Variants in KIAA0319 observed in about 807,000 individuals in gnomAD.
KIAA0319 encodes the protein dyslexia-associated protein KIAA0319.
Under a neutral mutation model 108.4 loss-of-function variants are expected in KIAA0319, and 83 were observed. The ratio of observed to expected loss-of-function variants is 0.77; its 90% CI spans 0.64 to 0.92. KIAA0319 has a LOEUF of 0.92. KIAA0319 is among the 40% of genes least tolerant of loss of function. KIAA0319 has a pLI of 0.00. For synonymous variants in KIAA0319, 484 were observed against 510.4 expected (o/e 0.95, Z 0.70); for missense variants, 1,195 against 1,322.4 (o/e 0.90, Z 1.49).
chr6:24,572,934 G>A (rs1764933788), intron 10 of KIAA0319, among the ~76,000 whole-genome samples: 1 of 152,012 alleles, frequency 6.6e-6, no homozygotes, highest in South Asian at 2.1e-4. Flanking sequence ...TGGCCAACAT[G>A]GTGGAACCCC....
intron 6 of KIAA0319, 128 bp downstream of exon 6, chr6:24,582,121 G>T: frequency 1.7e-6 from 1 of 594,268 alleles, no homozygotes; most frequent in Non-Finnish European, 3.2e-6. Context: ...ACTCCAGCCT[G>T]GGCAACAGAG....
At position 24,599,318 on chromosome 6, in the gene KIAA0319, G is replaced by A; in HGVS notation, c.55+1731C>T. The A allele has an allele frequency of 2.0e-6, 1 of 493,794 alleles. No homozygotes were observed. The highest frequency in any genetic ancestry group is 3.8e-6 in the Non-Finnish European group (1 of 264,376). The allele number at this position is 493,794 out of a possible 1,614,324, so 30.6% of individuals were successfully genotyped here. ...TCAGCCGGCTCCAGACTGAGACTGA[G>A]GGCCTCAAAGGCTAGAGGGCTTCCC... On this transcript the variant is annotated intron_variant, in intron 2 of 20. Transcript: ENST00000378214. This position sits in a 1 kb window ranked among gnomAD's most constrained non-coding sequence, Gnocchi z 4.1.
At chr6:24,590,537 T>C (rs187715496) in intron 3 of KIAA0319, among the ~76,000 whole-genome samples, 3 of 152,326 alleles carry the variant, frequency 2.0e-5, no homozygotes, top group African/African-American at 7.2e-5. Context: ...AAACCAGGGC[T>C]GCAGAATAGG....
At chr6:24,542,862 A>G (rs1309747239), downstream of KIAA0319, among the ~76,000 whole-genome samples, 2 of 152,174 alleles carry the variant, frequency 1.3e-5, no homozygotes, top group Non-Finnish European at 2.9e-5. Flanking sequence ...GCCTTAACCA[A>G]TCAGGACTCA....
chr6:24,567,039 G>GT, intron 13 of KIAA0319, among the ~76,000 whole-genome samples: 2 of 152,238 alleles, frequency 1.3e-5, no homozygotes, highest in South Asian at 4.1e-4. Flanking sequence ...TTGAAAAATA[G>GT]AAACAATGAT....
At chr6:24,602,717 C>T (rs1421095026) in intron 1 of KIAA0319, among the ~76,000 whole-genome samples, 1 of 152,098 alleles carries the variant, frequency 6.6e-6, no homozygotes, top group African/African-American at 2.4e-5. Flanking sequence ...AGGAGAATGG[C>T]GTGAATCCGG....
At chr6:24,631,606 A>C (rs1775591835) in intron 1 of KIAA0319, among the ~76,000 whole-genome samples, 1 of 152,192 alleles carries the variant, frequency 6.6e-6, no homozygotes, top group Non-Finnish European at 1.5e-5. Flanking sequence ...TAGGAAAAAC[A>C]ATTTTAGAAG....
At chr6:24,569,156 T>C (rs1764310796) in intron 12 of KIAA0319, among the ~76,000 whole-genome samples, 1 of 152,314 alleles carries the variant, frequency 6.6e-6, no homozygotes, top group East Asian at 1.9e-4. Context: ...AGAATATTTG[T>C]TCTCGATTTT....
chr6:24,601,823 T>G (rs1419185863), intron 1 of KIAA0319, among the ~76,000 whole-genome samples: 1 of 152,220 alleles, frequency 6.6e-6, no homozygotes, highest in African/African-American at 2.4e-5. Flanking sequence ...GATAGCAATC[T>G]GGCTTCCTAC....
At chr6:24,591,187 T>G (rs946877737) in intron 3 of KIAA0319, among the ~76,000 whole-genome samples, 4 of 152,144 alleles carry the variant, frequency 2.6e-5, no homozygotes, top group African/African-American at 9.7e-5. Context: ...TTATGAACAT[T>G]CATGTACAAG....
chr6:24,562,725 G>C (rs1158961951), intron 16 of KIAA0319, among the ~76,000 whole-genome samples: 2 of 152,176 alleles, frequency 1.3e-5, no homozygotes, highest in South Asian at 4.1e-4. Context: ...AGTAGTCCCA[G>C]CTACTCAGGT....
At chr6:24,570,917 G>A (rs1170082249) in intron 11 of KIAA0319, among the ~76,000 whole-genome samples, 1 of 152,116 alleles carries the variant, frequency 6.6e-6, no homozygotes, top group Non-Finnish European at 1.5e-5. Context: ...TTGGCAGGGC[G>A]TGGTAGTTCA....
rs775390095 is a variant in KIAA0319, at chr6:24,564,232, T to G, written c.2401A>C (p.Thr801Pro). ...RVTDSQGASDTDTATVEVQPD... is the reference protein window; with the variant it reads ...RVTDSQGASDPDTATVEVQPD... ...TGCACTTCCACAGTGGCAGTGTCTG[T>G]GTCCGAGGCCCCCTGACTGTCGGTG... Residue 801 changes from threonine to proline, a missense_variant, in exon 15 of 21, where the codon ACA becomes CCA. Transcript: ENST00000378214. The G allele has an allele frequency of 6.2e-7, 1 of 1,614,118 alleles. No individual in the cohort carries two copies. Among genetic ancestry groups the G allele is most frequent in the South Asian group, 1.1e-5 (1 of 91,072 alleles).
At chr6:24,617,288 G>A (rs1448500751) in intron 1 of KIAA0319, among the ~76,000 whole-genome samples, 1 of 151,878 alleles carries the variant, frequency 6.6e-6, no homozygotes, top group Non-Finnish European at 1.5e-5. Context: ...GCACTTAATG[G>A]TAGGATACAA....
chr6:24,596,383 C>G lies in KIAA0319; in HGVS notation c.291G>C (p.Arg97Ser), dbSNP rs1769595681. Residue 97 changes from arginine to serine, a missense_variant, in exon 3 of 21, where the codon AGG becomes AGC. Transcript: ENST00000378214. ...GCCGGAGCACAAAAGTGAGATAAGA[C>G]CTGATGGGGCCCATCTTCTTGGGCT... ...NCEPKKMGPI[R>S]SYLTFVLRPV... 1 of 1,614,104 alleles carries G rather than the reference C, an allele frequency of 6.2e-7. No individual in the cohort carries two copies. The highest frequency in any genetic ancestry group is 1.3e-5 in the African/African-American group (1 of 74,930).
intron 20 of KIAA0319, among the ~76,000 whole-genome samples, chr6:24,549,091 G>A (rs1316906800): frequency 1.3e-5 from 2 of 151,696 alleles, no homozygotes; most frequent in African/African-American, 4.8e-5. Context: ...GGAGGCCGAG[G>A]CGGGTGGATC....
At chr6:24,639,931 A>G (rs556102581) in intron 1 of KIAA0319, among the ~76,000 whole-genome samples, 67 of 152,262 alleles carry the variant, frequency 4.4e-4, no homozygotes, top group African/African-American at 1.5e-3. Context: ...GTAAATAATA[A>G]TAAAATATTA....
chr6:24,559,017 T>G lies in KIAA0319; in HGVS notation c.2730A>C (p.Thr910=). 6.2e-7 allele frequency: 1 copy of G among 1,610,540 alleles called. No homozygotes were observed. The highest frequency in any genetic ancestry group is 8.5e-7 in the Non-Finnish European group (1 of 1,178,682). ...AATATTCCATAGGAGACCTACCTGC[T>G]GTATCAACCCTCAAGACCTTGAAAA... is the stretch of plus-strand genomic sequence containing the variant. The part of the protein sequence containing the change: ...FLLFKVLRVD[T]AGCLLKCSGH... The change falls in exon 17 of 21, where the codon ACA becomes ACC. Residue 910 remains threonine, a synonymous_variant. Transcript: ENST00000378214.
At chr6:24,585,943 G>C (rs1767414201) in intron 4 of KIAA0319, among the ~76,000 whole-genome samples, 1 of 152,148 alleles carries the variant, frequency 6.6e-6, no homozygotes, top group African/African-American at 2.4e-5. Context: ...ACAAAAATTA[G>C]CCGGGAATGG....
Sources: allele counts gnomAD v4.1 joint callset (sites outside exome capture counted in the v4.1 genomes callset), GRCh38; gene constraint gnomAD v4.1.1; non-coding constraint Gnocchi (gnomAD v3.1); transcripts MANE v1.5; gene names NCBI Gene and HGNC (gene_info 2026-07-23, HGNC 2026-07-21).